GALNT18: variants seen among roughly 807,000 people sequenced by gnomAD.
GALNT18 encodes the protein polypeptide N-acetylgalactosaminyltransferase 18.
GALNT18 carries 44 observed loss-of-function variants against 69.5 expected under a neutral mutation model. The observed-to-expected ratio is 0.63, with a 90% CI of 0.50 to 0.81. The LOEUF (loss-of-function observed/expected upper bound fraction) is 0.81. Among genes scored for constraint, GALNT18 ranks in the 40% least tolerant of loss-of-function variants. GALNT18 has a pLI of 0.00. For missense variants in GALNT18, 715 were observed against 810.0 expected, an observed-to-expected ratio of 0.88 and a Z score of 1.42; for synonymous variants, 364 against 318.2, an observed-to-expected ratio of 1.14 and a Z score of -1.53.
chr11:11,516,632 A>G (rs192110797), intron 1 of GALNT18, among the ~76,000 whole-genome samples: 2 of 152,290 alleles, frequency 1.3e-5, no homozygotes, highest in East Asian at 3.9e-4. Flanking sequence ...CTCCATCTCA[A>G]AACAAAAACA....
At chr11:11,286,957 C>T (rs1185050373) in intron 10 of GALNT18, among the ~76,000 whole-genome samples, 2 of 152,158 alleles carry the variant, frequency 1.3e-5, no homozygotes, top group Non-Finnish European at 2.9e-5. Flanking sequence ...CCCTTAAAAT[C>T]ACCCAGCCCA....
intron 1 of GALNT18, among the ~76,000 whole-genome samples, chr11:11,513,046 GAAC>G (rs960007774): frequency 6.6e-5 from 10 of 152,180 alleles, no homozygotes; most frequent in African/African-American, 2.4e-4. Context: ...GACAGACCCA[GAAC>G]AACAGGCACC....
At chr11:11,371,736 T>G (rs922944393) in intron 6 of GALNT18, among the ~76,000 whole-genome samples, 1 of 152,150 alleles carries the variant, frequency 6.6e-6, no homozygotes, top group Non-Finnish European at 1.5e-5. Context: ...GATCCTTTGT[T>G]GTATCCATCA....
intron 1 of GALNT18, among the ~76,000 whole-genome samples, chr11:11,501,629 C>T (rs1034937657): frequency 6.6e-6 from 1 of 152,108 alleles, no homozygotes; most frequent in Non-Finnish European, 1.5e-5. Context: ...TTCAGTAAGG[C>T]CTGTTTCTAC....
At chr11:11,581,655 G>A (rs184965572) in intron 1 of GALNT18, among the ~76,000 whole-genome samples, 1 of 152,124 alleles carries the variant, frequency 6.6e-6, no homozygotes, top group Admixed American at 6.5e-5. Context: ...CTGCCGAGTG[G>A]GCACTTTATC....
chr11:11,582,938 C>T lies in GALNT18; in HGVS notation c.235+38421G>A, dbSNP rs1438677632. 6.6e-6 allele frequency among the ~76,000 whole-genome samples: 1 copy of T among 152,174 alleles called. No individual in the cohort carries two copies. The highest frequency in any genetic ancestry group is 2.4e-5 in the African/African-American group (1 of 41,440). ...CCCCACAGAAGTGGTTGTCATGGTC[C>T]TGCAGAGAGGAAGATCTAAGATTTC... On this transcript the variant is annotated intron_variant, in intron 1 of 10. Transcript: ENST00000227756. The surrounding 1 kb of genome is among the most constrained non-coding windows in gnomAD (Gnocchi z 5.0).
chr11:11,331,910 G>C (rs572056238), intron 8 of GALNT18, among the ~76,000 whole-genome samples: 1 of 152,106 alleles, frequency 6.6e-6, no homozygotes, highest in East Asian at 1.9e-4. Flanking sequence ...TACGGTCCAG[G>C]GAATATTGAG....
Position 11,435,966 on chromosome 11 carries a change from T to C in GALNT18, c.429-3179A>G, listed in dbSNP as rs996671239. ...CTTTTCTCTTCTCTCCTGGGACTGCTGGGGCCTCCTGGCGACAGCCATGCT... is the reference window on the plus strand; with the variant it reads ...CTTTTCTCTTCTCTCCTGGGACTGCCGGGGCCTCCTGGCGACAGCCATGCT... On this transcript the variant is annotated intron_variant, in intron 2 of 10. Transcript: ENST00000227756. This position sits in a 1 kb window ranked among gnomAD's most constrained non-coding sequence, Gnocchi z 4.4. Among the ~76,000 whole-genome samples, 1 of 152,250 alleles carries C rather than the reference T, an allele frequency of 6.6e-6. No individual in the cohort carries two copies. Among genetic ancestry groups the C allele is most frequent in the Non-Finnish European group, 1.5e-5 (1 of 68,048 alleles).
At chr11:11,275,650 A>G (rs920299699) in intron 10 of GALNT18, among the ~76,000 whole-genome samples, 6 of 152,066 alleles carry the variant, frequency 3.9e-5, no homozygotes, top group Non-Finnish European at 8.8e-5. Flanking sequence ...TTCTTCTAGG[A>G]TTTTTATGGT....
chr11:11,453,566 A>C (rs919971245), intron 1 of GALNT18, among the ~76,000 whole-genome samples: 1 of 152,068 alleles, frequency 6.6e-6, no homozygotes. Context: ...CTACGTCCCC[A>C]CCCAAATCTC....
intron 10 of GALNT18, among the ~76,000 whole-genome samples, chr11:11,274,744 CCT>C (rs1848903626): frequency 6.6e-6 from 1 of 152,162 alleles, no homozygotes; most frequent in Non-Finnish European, 1.5e-5. Flanking sequence ...TGTTCCCCTC[CCT>C]GTGTCCATGT....
intron 3 of GALNT18, among the ~76,000 whole-genome samples, chr11:11,381,546 C>G (rs1220249543): frequency 1.3e-5 from 2 of 152,216 alleles, no homozygotes; most frequent in African/African-American, 4.8e-5. Flanking sequence ...GAATTCACAT[C>G]TTTGTGTGGC....
At chr11:11,287,619 G>GA (rs1326397276) in intron 10 of GALNT18, among the ~76,000 whole-genome samples, 1 of 152,208 alleles carries the variant, frequency 6.6e-6, no homozygotes, top group Non-Finnish European at 1.5e-5. Flanking sequence ...TCAGAAGGTT[G>GA]AAAGACATAT....
chr11:11,309,983 AT>A lies in GALNT18; in HGVS notation c.1513-16791del, dbSNP rs201314199. On this transcript the variant is annotated intron_variant, in intron 9 of 10. Coordinates refer to ENST00000227756, the MANE Select transcript of GALNT18 (RefSeq NM_198516.3). This position sits in a 1 kb window ranked among gnomAD's most constrained non-coding sequence, Gnocchi z 4.6. ...CTTCAGTCTCAAAACATGTTCCCTT[AT>A]TGCTTTCTTTAAAAAGCAAATCCAA... Among the ~76,000 whole-genome samples the A allele has an allele frequency of 5.6e-3, 845 of 152,036 alleles. 5 individuals are homozygous for A. Among genetic ancestry groups the A allele is most frequent in the Non-Finnish European group, 7.3e-3 (499 of 68,004 alleles).
chr11:11,301,226 C>A (rs915007684), intron 9 of GALNT18, among the ~76,000 whole-genome samples: 1 of 152,084 alleles, frequency 6.6e-6, no homozygotes, highest in Non-Finnish European at 1.5e-5. Context: ...ACACAGAGGG[C>A]GGGAAGAAGG....
At chr11:11,407,821 T>C (rs978763068) in intron 3 of GALNT18, among the ~76,000 whole-genome samples, 5 of 151,878 alleles carry the variant, frequency 3.3e-5, no homozygotes, top group Non-Finnish European at 7.4e-5. Context: ...GCAGCAGGAG[T>C]AAAGAGCGGC....
rs554377086 is a variant in GALNT18, at chr11:11,542,415, C to T, written c.235+78944G>A. Among the ~76,000 whole-genome samples the T allele has an allele frequency of 2.0e-5, 3 of 152,326 alleles. No individual in the cohort carries two copies. Among genetic ancestry groups the T allele is most frequent in the South Asian group, 2.1e-4 (1 of 4,824 alleles). ...ACATGTTTCTTTATATATCTGTCTCCACCCTGTACCACCCATTCCAGCAAA... is the reference window on the plus strand; with the variant it reads ...ACATGTTTCTTTATATATCTGTCTCTACCCTGTACCACCCATTCCAGCAAA... On this transcript the variant is annotated intron_variant, in intron 1 of 10. Transcript: ENST00000227756. The surrounding 1 kb of genome is among the most constrained non-coding windows in gnomAD (Gnocchi z 4.3).
rs1345851586 is a variant in GALNT18 at position 11,600,534 on chromosome 11, T to C, written c.235+20825A>G. ...TGCTAATCTTATCAGTATTCTCTTGTAGGTGATAAGTGGTCTTTCTGTTAC... is the reference window on the plus strand; with the variant it reads ...TGCTAATCTTATCAGTATTCTCTTGCAGGTGATAAGTGGTCTTTCTGTTAC... On this transcript the variant is annotated intron_variant, in intron 1 of 10. Transcript: ENST00000227756. This position sits in a 1 kb window ranked among gnomAD's most constrained non-coding sequence, Gnocchi z 4.8. 6.6e-6 allele frequency among the ~76,000 whole-genome samples: 1 copy of C among 152,098 alleles called. No homozygotes were observed. The highest frequency in any genetic ancestry group is 6.5e-5 in the Admixed American group (1 of 15,274).
intron 1 of GALNT18, among the ~76,000 whole-genome samples, chr11:11,609,997 G>C (rs1364184080): frequency 2.6e-5 from 4 of 152,020 alleles, no homozygotes. Context: ...CCTGCTCCTG[G>C]GGGAAAAAAT....
Sources: allele counts gnomAD v4.1 joint callset (sites outside exome capture counted in the v4.1 genomes callset), GRCh38; gene constraint gnomAD v4.1.1; non-coding constraint Gnocchi (gnomAD v3.1); transcripts MANE v1.5; gene names NCBI Gene and HGNC (gene_info 2026-07-23, HGNC 2026-07-21).